Variants in FANCA observed in about 807,000 individuals in gnomAD.
FANCA encodes Fanconi anemia group A protein.
FANCA carries 236 observed loss-of-function variants against 194.3 expected under a neutral mutation model. The ratio of observed to expected loss-of-function variants is 1.21; its 90% CI spans 1.09 to 1.35. The LOEUF (loss-of-function observed/expected upper bound fraction) is 1.35, where lower values mean the gene tolerates loss of function less well. FANCA is among the 40% of genes most tolerant of loss of function. FANCA has a pLI of 0.00. For synonymous variants in FANCA, 1,014 were observed against 715.8 expected (o/e 1.42, Z -6.65); for missense variants, 2,628 against 1,813.9 (o/e 1.45, Z -8.15).
Position 89,738,424 on chromosome 16 carries a change from T to C in FANCA, c.*177A>G. 1 of 1,379,910 alleles carries C rather than the reference T, an allele frequency of 7.2e-7. No individual in the cohort carries two copies. The highest frequency in any genetic ancestry group is 9.8e-7 in the Non-Finnish European group (1 of 1,016,712). 85.5% of individuals were successfully genotyped at this position (1,379,910 alleles called of 1,614,324 possible). On this transcript the variant is annotated 3_prime_UTR_variant, in exon 43 of 43. Coordinates refer to ENST00000389301, the MANE Select transcript of FANCA (RefSeq NM_000135.4). ...CTCTGCTCTGGGACCAGTGGTTTAT[T>C]TTCCCGCAAACGCTGAGTGACTCGG...
At chr16:89,807,188 T>TC (rs1303150813) in intron 6 of FANCA, among the ~76,000 whole-genome samples, 1 of 151,058 alleles carries the variant, frequency 6.6e-6, no homozygotes, top group Admixed American at 6.6e-5. Context: ...GTTTTTCTTT[T>TC]TTTTTTTTTT....
intron 31 of FANCA, 38 bp downstream of exon 31, chr16:89,752,100 G>A (rs1567605595): frequency 2.6e-6 from 4 of 1,561,326 alleles, no homozygotes; most frequent in Admixed American, 1.7e-5. Flanking sequence ...CGGCTTAAAT[G>A]AAGTGAATGC....
intron 3 of FANCA, among the ~76,000 whole-genome samples, chr16:89,812,306 G>A (rs1377480502): frequency 1.3e-5 from 2 of 150,076 alleles, no homozygotes; most frequent in Non-Finnish European, 3.0e-5. Flanking sequence ...CCACTACACT[G>A]CAGTCTGGGC....
Position 89,814,694 on chromosome 16 carries a change from G to A in FANCA, c.190-81C>T, listed in dbSNP as rs960421714. On this transcript the variant is annotated intron_variant, in intron 2 of 42. Coordinates refer to ENST00000389301, the MANE Select transcript of FANCA (RefSeq NM_000135.4). ...GTAGTGGCTCACGCCTGTAATCCCA[G>A]TACTTTGGGAGGCCGAGATGGGCAG... 4.9e-6 allele frequency: 5 copies of A among 1,023,004 alleles called. No homozygotes were observed. The African/African-American group carries it at 7.9e-5, about 16-fold the overall frequency. 63.4% of individuals were successfully genotyped at this position (1,023,004 alleles called of 1,614,324 possible). A position where few individuals can be genotyped will look rare whatever the true frequency, so the allele number is the denominator to read the frequency against.
At chr16:89,774,790 G>C (rs892107869) in intron 21 of FANCA, among the ~76,000 whole-genome samples, 1 of 148,220 alleles carries the variant, frequency 6.7e-6, no homozygotes, top group African/African-American at 2.5e-5. Context: ...AGGTGGAAGG[G>C]GATCTAGAAG....
At chr16:89,769,633 C>A in intron 26 of FANCA, 1 of 642,878 alleles carries the variant, frequency 1.6e-6, no homozygotes, top group Non-Finnish European at 2.7e-6. Flanking sequence ...AATATGATCT[C>A]ATTTTTATGA....
rs2040853101 is a variant in FANCA, at chr16:89,810,926, T to C, written c.426+3A>G. The C allele has an allele frequency of 1.9e-6, 3 of 1,614,186 alleles. No individual in the cohort carries two copies. Among genetic ancestry groups the C allele is most frequent in the Non-Finnish European group, 2.5e-6 (3 of 1,180,036 alleles). On this transcript the variant is annotated splice_donor_region_variant and intron_variant, in intron 4 of 42. Transcript: ENST00000389301. ...GGTTTCCTCATCTTTGCTGGTGTCT[T>C]ACTCTCTGCTCCACAGTCAGCAGCA...
intron 14 of FANCA, among the ~76,000 whole-genome samples, chr16:89,786,482 A>C (rs1217353734): frequency 6.6e-6 from 1 of 151,796 alleles, no homozygotes; most frequent in Non-Finnish European, 1.5e-5. Flanking sequence ...TGACCTAGCT[A>C]ATTTTTGTCT....
rs17226987 is a variant in FANCA, at chr16:89,758,445, G to C, written c.2981+132C>G. 9.5e-5 allele frequency: 96 copies of C among 1,006,896 alleles called. No individual in the cohort carries two copies. The Admixed American group carries it at 1.1e-3, about 11-fold the overall frequency. 62.4% of individuals were successfully genotyped at this position (1,006,896 alleles called of 1,614,324 possible). On this transcript the variant is annotated intron_variant, in intron 30 of 42. Transcript: ENST00000389301. ...TGTTGCCAAAGGAGACTGACATTTG[G>C]GTATAGGCTGGGAAAGGCAGACCCA...
At chr16:89,758,452 G>T in intron 30 of FANCA, 125 bp downstream of exon 30, 2 of 1,120,398 alleles carry the variant, frequency 1.8e-6, no homozygotes, top group Non-Finnish European at 2.7e-6. Context: ...TTGGGTATAG[G>T]CTGGGAAAGG....
intron 27 of FANCA, 87 bp from the exon 28 acceptor site, chr16:89,765,153 T>C: frequency 6.9e-7 from 1 of 1,454,484 alleles, no homozygotes; most frequent in South Asian, 1.2e-5. Context: ...AAACAGACCA[T>C]CAACAGCCCA....
intron 14 of FANCA, chr16:89,791,018 TGTGTG>T (rs769966664): frequency 1.2e-5 from 3 of 259,358 alleles, no homozygotes; most frequent in Admixed American, 5.7e-5. Context: ...TGTGTGTGTG[TGTGTG>T]TTTTTTTTTT....
At position 89,790,362 on chromosome 16, in the gene FANCA, C is replaced by G. The variant is rs867873423; in HGVS notation, c.1359+1041G>C. On this transcript the variant is annotated intron_variant, in intron 14 of 42. Transcript: ENST00000389301. ...TGAGCCGAGGTCGCACCAGTGCACT[C>G]CAGTATGAGTGATAGAATGAGACTC... is the stretch of plus-strand genomic sequence containing the variant. Among the ~76,000 whole-genome samples, 7 of 149,838 alleles carry G rather than the reference C, an allele frequency of 4.7e-5. No homozygotes were observed. The Middle Eastern group carries it at 0.015, about 327-fold the overall frequency.
chr16:89,760,437 T>C (rs1009988322), intron 29 of FANCA, among the ~76,000 whole-genome samples: 2 of 152,204 alleles, frequency 1.3e-5, no homozygotes, highest in Admixed American at 1.3e-4. Context: ...AGGCCCCTGA[T>C]GGCCGGAAGG....
At chr16:89,749,026 C>G (rs926703397) in intron 32 of FANCA, among the ~76,000 whole-genome samples, 6 of 152,218 alleles carry the variant, frequency 3.9e-5, no homozygotes, top group Non-Finnish European at 5.9e-5. Context: ...CCAACAACTT[C>G]TGACAGTTAC....
Position 89,778,991 on chromosome 16 carries a change from C to T in FANCA, c.1728G>A (p.Arg576=). 6.2e-7 allele frequency: 1 copy of T among 1,613,676 alleles called. No homozygotes were observed. Among genetic ancestry groups the T allele is most frequent in the East Asian group, 2.2e-5 (1 of 44,888 alleles). The stretch of plus-strand genomic sequence containing the variant: ...GGAGGAAGTGGGACACGTAGTAAGG[C>T]CTCCTGAATATGCTGCAACACAGAG... ...VTVMEASIFR[R]PYYVSHFLPA... Residue 576 remains arginine (R), a synonymous_variant, in exon 19 of 43, where the codon AGG becomes AGA. Transcript: ENST00000389301.
At chr16:89,742,676 A>G (rs1352316817) in intron 37 of FANCA, 124 bp downstream of exon 37, 3 of 756,056 alleles carry the variant, frequency 4.0e-6, no homozygotes, top group Admixed American at 5.9e-5. Flanking sequence ...AAAAAAAAAA[A>G]GTCTTGCTCC....
intron 6 of FANCA, among the ~76,000 whole-genome samples, chr16:89,806,494 A>C (rs35402374): frequency 0.069 from 10,422 of 151,640 alleles, 976 homozygotes; most frequent in African/African-American, 0.21. Flanking sequence ...GAGGACCCTG[A>C]GGCCTTCTGC....
intron 32 of FANCA, 114 bp from the exon 33 acceptor site, chr16:89,748,881 G>T: frequency 2.4e-6 from 2 of 832,680 alleles, no homozygotes; most frequent in East Asian, 2.7e-5. Flanking sequence ...GCCACTGTTG[G>T]AACCAGAGCC....
Sources: gnomAD v4.1 joint callset for allele counts (sites outside exome capture counted in the v4.1 genomes callset) on GRCh38, gnomAD v4.1.1 for gene constraint, MANE v1.5 for transcripts, NCBI Gene and HGNC (gene_info 2026-07-23, HGNC 2026-07-21) for gene names.